The following TDRD1 variants were observed in gnomAD, a reference collection of about 807,000 sequenced individuals.
TDRD1 encodes tudor domain-containing protein 1.
Under a neutral mutation model 140.6 loss-of-function variants are expected in TDRD1, and 37 were observed. That is an observed-to-expected ratio of 0.26 (90% CI 0.20 to 0.35). The LOEUF (loss-of-function observed/expected upper bound fraction) is 0.35, where lower values mean the gene tolerates loss of function less well. TDRD1 is among the 10% of genes least tolerant of loss of function. The probability of loss-of-function intolerance (pLI) is 1.00; values close to 1 mark genes in which losing one functional copy is unlikely to be tolerated. For synonymous variants in TDRD1, 506 were observed against 475.7 expected, an observed-to-expected ratio of 1.06 and a Z score of -0.83; for missense variants, 1,243 against 1,393.0, an observed-to-expected ratio of 0.89 and a Z score of 1.71.
intron 8 of TDRD1, among the ~76,000 whole-genome samples, chr10:114,203,807 G>C (rs1589683693): frequency 6.6e-6 from 1 of 152,182 alleles, no homozygotes; most frequent in East Asian, 1.9e-4. Flanking sequence ...CTTAGAGCTT[G>C]TGTTTTATTT....
chr10:114,222,487 CAA>C (rs1449095963), intron 20 of TDRD1, 98 bp from the exon 21 acceptor site: 1 of 560,842 alleles, frequency 1.8e-6, no homozygotes, highest in African/African-American at 1.9e-5. Flanking sequence ...TTTTAATACA[CAA>C]AGGGTTTTTG....
chr10:114,213,312 A>G (rs1402075409), intron 14 of TDRD1, 34 bp from the exon 15 acceptor site: 1 of 1,584,100 alleles, frequency 6.3e-7, no homozygotes, highest in Admixed American at 1.8e-5. Flanking sequence ...TGCTTTCAGA[A>G]TAATTGTAAC....
intron 23 of TDRD1, 63 bp downstream of exon 23, chr10:114,227,362 T>G: frequency 8.3e-7 from 1 of 1,201,362 alleles, no homozygotes; most frequent in Non-Finnish European, 1.2e-6. Context: ...ATAATCAATT[T>G]AGTTGACTTG....
At chr10:114,207,654 A>G (rs940518599) in intron 11 of TDRD1, among the ~76,000 whole-genome samples, 1 of 152,042 alleles carries the variant, frequency 6.6e-6, no homozygotes, top group African/African-American at 2.4e-5. Flanking sequence ...AGAGTGAGGA[A>G]GAATGAGGAA....
intron 23 of TDRD1, 46 bp downstream of exon 23, chr10:114,227,345 A>G (rs751918176): frequency 7.6e-7 from 1 of 1,310,766 alleles, no homozygotes; most frequent in Non-Finnish European, 1.1e-6. Context: ...AGTGTGAGGA[A>G]TAACAGATAA....
At chr10:114,180,985 G>A (rs2033011106) in intron 1 of TDRD1, among the ~76,000 whole-genome samples, 1 of 152,174 alleles carries the variant, frequency 6.6e-6, no homozygotes, top group Admixed American at 6.5e-5. Flanking sequence ...CAACATCAGG[G>A]AGAACCGATA....
intron 2 of TDRD1, among the ~76,000 whole-genome samples, chr10:114,190,194 G>T (rs2033857389): frequency 6.6e-6 from 1 of 151,976 alleles, no homozygotes; most frequent in South Asian, 2.1e-4. Context: ...TTAATGATAT[G>T]CAAAAATGTG....
At position 114,190,873 on chromosome 10, in the gene TDRD1, TGA is replaced by T. The variant is rs1387607069; in HGVS notation, c.326-87_326-86del. 1.1e-5 allele frequency: 15 copies of T among 1,309,424 alleles called. No homozygotes were observed. The African/African-American group carries it at 2.2e-4, about 19-fold the overall frequency. 81.1% of individuals were successfully genotyped at this position (1,309,424 alleles called of 1,614,324 possible). A position where few individuals can be genotyped will look rare whatever the true frequency, so the allele number is the denominator to read the frequency against. On this transcript the variant is annotated intron_variant, in intron 2 of 25. Transcript: ENST00000251864. ...GTCATTGTGGTATAGCCCTGTTACT[TGA>T]ATATCACCTAATTACACTATTTTTC...
In TDRD1 at chr10:114,220,567, G is replaced by T; in HGVS notation, c.2495-1G>T. ...TTTTTACTGCTGTCCTTATTTTCTAGATATACAGTCTAGAAACAAACATTG... is the reference window on the plus strand; with the variant it reads ...TTTTTACTGCTGTCCTTATTTTCTATATATACAGTCTAGAAACAAACATTG... On this transcript the variant is annotated splice_acceptor_variant, in intron 18 of 25. Transcript: ENST00000251864. LOFTEE classifies it high-confidence loss of function. 3 of 1,609,700 alleles carry T rather than the reference G, an allele frequency of 1.9e-6. No homozygotes were observed. Among genetic ancestry groups the T allele is most frequent in the Non-Finnish European group, 2.6e-6 (3 of 1,176,394 alleles).
At position 114,210,854 on chromosome 10, in the gene TDRD1, C is replaced by T; in HGVS notation, c.1553-6C>T. 6.2e-7 allele frequency: 1 copy of T among 1,613,962 alleles called. No individual in the cohort carries two copies. The highest frequency in any genetic ancestry group is 8.5e-7 in the Non-Finnish European group (1 of 1,179,878). The stretch of plus-strand genomic sequence containing the variant: ...TATTTCTTTAAGATGTGATCTTTAT[C>T]TGCAGGAAAGCTTGCTGAACTTCAG... On this transcript the variant is annotated splice_region_variant and splice_polypyrimidine_tract_variant and intron_variant, in intron 12 of 25. Transcript: ENST00000251864.
intron 19 of TDRD1, among the ~76,000 whole-genome samples, chr10:114,221,072 G>T (rs375500483): frequency 3.9e-5 from 6 of 152,150 alleles, no homozygotes; most frequent in Admixed American, 2.0e-4. Context: ...TGAGTAAGTT[G>T]TAAGAATTAT....
intron 22 of TDRD1, 93 bp from the exon 23 acceptor site, chr10:114,226,979 C>T (rs2036474328): frequency 1.4e-6 from 1 of 700,952 alleles, no homozygotes; most frequent in African/African-American, 1.8e-5. Flanking sequence ...CAGCTGAAGT[C>T]CAGTAAGCCT....
intron 25 of TDRD1, among the ~76,000 whole-genome samples, chr10:114,231,086 C>T (rs998896706): frequency 3.3e-5 from 5 of 152,078 alleles, no homozygotes; most frequent in Non-Finnish European, 7.4e-5. Flanking sequence ...AAATAAAAGA[C>T]AAACACATGT....
chr10:114,180,610 C>A (rs1196354689), intron 1 of TDRD1, among the ~76,000 whole-genome samples: 1 of 152,110 alleles, frequency 6.6e-6, no homozygotes, highest in Non-Finnish European at 1.5e-5. Context: ...GGATTACAGG[C>A]CAGCCACCGG....
intron 25 of TDRD1, chr10:114,228,191 A>G (rs759356313): frequency 8.0e-6 from 12 of 1,500,074 alleles, no homozygotes; most frequent in Non-Finnish European, 1.1e-5. Flanking sequence ...CTTCAGGCAT[A>G]TTGGCAGGAT....
chr10:114,231,524 A>T, exon 26 of TDRD1: 1 of 1,593,914 alleles, frequency 6.3e-7, no homozygotes, highest in African/African-American at 1.4e-5. Context: ...ATGAGACAGG[A>T]AACAGCAAAG....
intron 3 of TDRD1, among the ~76,000 whole-genome samples, chr10:114,197,661 C>CTTTT (rs58887319): frequency 7.5e-6 from 1 of 134,194 alleles, no homozygotes. Flanking sequence ...TATTATGAGA[C>CTTTT]TTTTTTTTTT....
At chr10:114,213,917 C>T (rs1479093417) in intron 15 of TDRD1, 60 bp from the exon 16 acceptor site, 3 of 1,574,910 alleles carry the variant, frequency 1.9e-6, no homozygotes, top group Non-Finnish European at 1.7e-6. Flanking sequence ...TCCTCAGCCA[C>T]CCCAACCTCG....
chr10:114,217,648 T>C (rs766663773), exon 17 of TDRD1: 1 of 1,586,142 alleles, frequency 6.3e-7, no homozygotes, highest in Admixed American at 1.7e-5. Flanking sequence ...GTTGTGCTTT[T>C]TTTGCAGGTA....
Sources: allele counts gnomAD v4.1 joint callset (sites outside exome capture counted in the v4.1 genomes callset), GRCh38; gene constraint gnomAD v4.1.1; transcripts MANE v1.5; gene names NCBI Gene and HGNC (gene_info 2026-07-23, HGNC 2026-07-21).